The following DUSP22 variants were observed in gnomAD, a reference collection of about 807,000 sequenced individuals.
The protein encoded by DUSP22 is dual specificity phosphatase 22.
DUSP22 carries 24 observed loss-of-function variants against 24.5 expected under a neutral mutation model. The ratio of observed to expected loss-of-function variants is 0.98; its 90% CI spans 0.71 to 1.38. DUSP22 has a LOEUF of 1.38. Ranked by LOEUF, DUSP22 falls within the 40% of genes most tolerant of loss-of-function variation. The probability of loss-of-function intolerance (pLI) is 0.00; values close to 1 mark genes in which losing one functional copy is unlikely to be tolerated. For missense variants in DUSP22, 330 were observed against 269.2 expected, an observed-to-expected ratio of 1.23 and a Z score of -1.58; for synonymous variants, 160 against 106.4, an observed-to-expected ratio of 1.50 and a Z score of -3.10.
intron 3 of DUSP22, among the ~76,000 whole-genome samples, chr6:316,324 C>T (rs1003975885): frequency 5.9e-5 from 9 of 152,416 alleles, no homozygotes; most frequent in East Asian, 1.9e-4. Context: ...AGTAAAATGG[C>T]GGAAAATCAT....
At chr6:335,981 C>T (rs571315659) in intron 4 of DUSP22, among the ~76,000 whole-genome samples, 140 of 152,382 alleles carry the variant, frequency 9.2e-4, no homozygotes, top group African/African-American at 3.2e-3. Flanking sequence ...GAAGAAATCC[C>T]GTGGAGACAG....
At chr6:344,580 G>A (rs566018165) in intron 4 of DUSP22, among the ~76,000 whole-genome samples, 22 of 152,420 alleles carry the variant, frequency 1.4e-4, no homozygotes, top group Non-Finnish European at 2.2e-4. Context: ...GTGTGCCACC[G>A]CGTTCAGTCC....
intron 4 of DUSP22, among the ~76,000 whole-genome samples, chr6:344,325 G>A (rs894203779): frequency 1.1e-4 from 16 of 152,296 alleles, no homozygotes; most frequent in East Asian, 5.8e-4. Flanking sequence ...TCGCTGTGTC[G>A]CTCAGGCTGG....
At chr6:342,647 T>C (rs536000584) in intron 4 of DUSP22, among the ~76,000 whole-genome samples, 127 of 152,356 alleles carry the variant, frequency 8.3e-4, no homozygotes, top group African/African-American at 3.0e-3. Context: ...CGTGTTTGAC[T>C]GACACATGGC....
chr6:297,159 A>C (rs1386756815), intron 1 of DUSP22, among the ~76,000 whole-genome samples: 1 of 152,304 alleles, frequency 6.6e-6, no homozygotes, highest in Non-Finnish European at 1.5e-5. Flanking sequence ...TCTAAGCTTC[A>C]GGATTTTTTT....
In DUSP22 at chr6:350,939, A is replaced by AC. The variant is rs536192423; in HGVS notation, c.*1988_*1989insC. 4.9e-3 allele frequency: 7,812 copies of AC among 1,583,180 alleles called. No homozygotes were observed. Among genetic ancestry groups the AC allele is most frequent in the Non-Finnish European group, 5.9e-3 (6,815 of 1,153,710 alleles). On this transcript the variant is annotated 3_prime_UTR_variant, in exon 7 of 7. Transcript: ENST00000419235. ...TGGTGCTGCCAAAAAGAAAAGCAAC[A>AC]TAGAGTTTAAGTATCCAGTAGTGAT...
intron 3 of DUSP22, among the ~76,000 whole-genome samples, chr6:330,870 G>A (rs1394150607): frequency 3.9e-5 from 6 of 152,292 alleles, no homozygotes; most frequent in Non-Finnish European, 7.3e-5. Flanking sequence ...TTTACATCAC[G>A]TGGTTTTATA....
chr6:305,024 G>A (rs565467304), intron 2 of DUSP22, among the ~76,000 whole-genome samples: 10 of 152,416 alleles, frequency 6.6e-5, no homozygotes, highest in Admixed American at 2.6e-4. Context: ...GTGTCAGAAT[G>A]GCCTTCCTTC....
chr6:334,723 C>G (rs1471027228), intron 3 of DUSP22, among the ~76,000 whole-genome samples: 3 of 152,304 alleles, frequency 2.0e-5, no homozygotes, highest in African/African-American at 7.2e-5. Flanking sequence ...TACTTACGAA[C>G]AGTGCTTCCT....
chr6:300,814 CCAAATGTGGT>C (rs1561647076), intron 1 of DUSP22, among the ~76,000 whole-genome samples: 1 of 152,306 alleles, frequency 6.6e-6, no homozygotes, highest in Non-Finnish European at 1.5e-5. Flanking sequence ...GCAACAGCAT[CCAAATGTGGT>C]TACCTTAGGT....
intron 3 of DUSP22, among the ~76,000 whole-genome samples, 172 bp downstream of exon 3, chr6:312,134 G>A (rs756606346): frequency 1.9e-4 from 29 of 152,404 alleles, no homozygotes; most frequent in Middle Eastern, 3.4e-3. Context: ...TGTCTGTAGC[G>A]TGGCGCGAGG....
At chr6:309,415 C>G (rs1282576651) in intron 2 of DUSP22, among the ~76,000 whole-genome samples, 1 of 152,292 alleles carries the variant, frequency 6.6e-6, no homozygotes, top group Admixed American at 6.5e-5. Flanking sequence ...AAATTTGAAG[C>G]TCGAAAATTT....
intron 3 of DUSP22, among the ~76,000 whole-genome samples, chr6:329,967 T>C (rs1216850834): frequency 6.6e-6 from 1 of 152,276 alleles, no homozygotes; most frequent in Non-Finnish European, 1.5e-5. Context: ...TGAAAGTCGC[T>C]CTTGAGAGTT....
chr6:317,797 A>G (rs1451097882), intron 3 of DUSP22, among the ~76,000 whole-genome samples: 1 of 152,296 alleles, frequency 6.6e-6, no homozygotes, highest in African/African-American at 2.4e-5. Flanking sequence ...CCCTCTGCAG[A>G]TGTCTGCTGA....
In DUSP22 at chr6:350,780, G is replaced by A. The variant is rs376318502; in HGVS notation, c.*1829G>A. 1 of 1,613,876 alleles carries A rather than the reference G, an allele frequency of 6.2e-7. No individual in the cohort carries two copies. Among genetic ancestry groups the A allele is most frequent in the Non-Finnish European group, 8.5e-7 (1 of 1,179,694 alleles). ...AGTGTATTCTTGGAGTTCTTGAAAT[G>A]TTGTTTTAATATTTGTTGCCAGTAA... On this transcript the variant is annotated 3_prime_UTR_variant, in exon 7 of 7. Coordinates refer to ENST00000419235, the MANE Select transcript of DUSP22 (RefSeq NM_001286555.3).
At chr6:329,098 T>A (rs1314836042) in intron 3 of DUSP22, among the ~76,000 whole-genome samples, 3 of 152,308 alleles carry the variant, frequency 2.0e-5, no homozygotes, top group Non-Finnish European at 4.4e-5. Flanking sequence ...TTCTGTGGAA[T>A]AAAGACACCT....
intron 3 of DUSP22, among the ~76,000 whole-genome samples, chr6:322,489 C>T (rs1328857696): frequency 6.6e-6 from 1 of 152,302 alleles, no homozygotes; most frequent in African/African-American, 2.4e-5. Flanking sequence ...GCTTCTCATT[C>T]ACAGATTCCA....
chr6:341,525 G>A (rs1252979940), intron 4 of DUSP22, among the ~76,000 whole-genome samples: 1 of 152,304 alleles, frequency 6.6e-6, no homozygotes, highest in Non-Finnish European at 1.5e-5. Flanking sequence ...CCTGCCTCTG[G>A]GCTTTTCTTG....
intron 3 of DUSP22, among the ~76,000 whole-genome samples, chr6:317,481 T>C (rs1268058092): frequency 6.6e-6 from 1 of 152,292 alleles, no homozygotes; most frequent in Non-Finnish European, 1.5e-5. Flanking sequence ...AATTCTCCCC[T>C]CCCTCCGAGC....
Sources: allele counts gnomAD v4.1 joint callset (sites outside exome capture counted in the v4.1 genomes callset), GRCh38; gene constraint gnomAD v4.1.1; transcripts MANE v1.5; gene names NCBI Gene and HGNC (gene_info 2026-07-23, HGNC 2026-07-21).